The following CLCN5 variants were observed in gnomAD, a reference collection of about 807,000 sequenced individuals.
The protein encoded by CLCN5 is Cl-/H+ antiporter 5, also known as H(+)/Cl(-) exchange transporter 5.
Under a neutral mutation model 54.0 loss-of-function variants are expected in CLCN5, and 17 were observed. The observed-to-expected ratio is 0.31, with a 90% CI of 0.22 to 0.47. The LOEUF is 0.47. CLCN5 is among the 20% of genes least tolerant of loss of function. The pLI is 1.00. For missense variants in CLCN5, 448 were observed against 646.7 expected (o/e 0.69, Z 3.33); for synonymous variants, 222 against 233.0 (o/e 0.95, Z 0.43).
rs1177049977 is a variant in CLCN5, at chrX:49,936,197, T to C, written c.16+10883T>C. On this transcript the variant is annotated intron_variant, in intron 3 of 14. Coordinates refer to ENST00000376091, the MANE Select transcript of CLCN5 (RefSeq NM_001127898.4). ...CCCCCAACCCCATTCTCTGTTAAAC[T>C]AGCAAAATCTTTCAATTAGTTCATC... Among the ~76,000 whole-genome samples the C allele has an allele frequency of 2.7e-5, 3 of 111,836 alleles. No individual in the cohort carries two copies. The East Asian group carries it at 8.4e-4, about 31-fold the overall frequency.
At chrX:50,066,184 GAA>G (rs1312290280) in intron 4 of CLCN5, among the ~76,000 whole-genome samples, 3 of 78,466 alleles carry the variant, frequency 3.8e-5, no homozygotes, top group African/African-American at 6.9e-5. Flanking sequence ...AAAAAAGAAA[GAA>G]AGAGAAATTC....
chrX:50,020,854 C>G (rs1239606158), intron 3 of CLCN5, among the ~76,000 whole-genome samples: 1 of 14,049 alleles, frequency 7.1e-5, no homozygotes, highest in Non-Finnish European at 1.1e-4. Flanking sequence ...GTTTTGGTAC[C>G]AGTACCATGC....
intron 3 of CLCN5, among the ~76,000 whole-genome samples, chrX:49,954,256 C>T (rs1461756291): frequency 8.9e-6 from 1 of 111,761 alleles, no homozygotes; most frequent in Admixed American, 9.5e-5. Context: ...GCTTGTGCAA[C>T]CCGCGGCCTG....
At chrX:50,064,548 G>A (rs1932932231) in intron 4 of CLCN5, among the ~76,000 whole-genome samples, 1 of 94,217 alleles carries the variant, frequency 1.1e-5, no homozygotes, top group African/African-American at 4.1e-5. Flanking sequence ...ATGCTCATGG[G>A]TAGGAAGAAT....
chrX:49,945,317 C>T (rs1213991454), intron 3 of CLCN5: 1 of 111,947 alleles, frequency 8.9e-6, no homozygotes, highest in East Asian at 2.8e-4. Context: ...CTTTTTCCTC[C>T]AAGTTTCTGT....
At chrX:49,939,821 T>C (rs993521406) in intron 3 of CLCN5, among the ~76,000 whole-genome samples, 1 of 111,986 alleles carries the variant, frequency 8.9e-6, no homozygotes, top group African/African-American at 3.2e-5. Context: ...CATTTATTCC[T>C]TTGTGCTTTG....
intron 4 of CLCN5, among the ~76,000 whole-genome samples, chrX:50,046,486 A>C (rs1557187776): frequency 9.0e-6 from 1 of 111,713 alleles, no homozygotes; most frequent in East Asian, 2.8e-4. Context: ...AGAGCCTTTT[A>C]TATTCAAGAA....
intron 3 of CLCN5, among the ~76,000 whole-genome samples, chrX:49,930,570 G>C (rs782788763): frequency 2.7e-5 from 3 of 111,117 alleles, no homozygotes; most frequent in Admixed American, 9.6e-5. Context: ...GTCAGGGAGT[G>C]GGGGAGCAGG....
At chrX:49,971,806 T>C (rs113033415) in intron 3 of CLCN5, among the ~76,000 whole-genome samples, 2 of 111,926 alleles carry the variant, frequency 1.8e-5, no homozygotes, top group Admixed American at 1.9e-4. Context: ...TTTTGTTGAA[T>C]GTATGTTTGC....
intron 3 of CLCN5, among the ~76,000 whole-genome samples, chrX:49,950,657 C>G (rs1926995920): frequency 9.0e-6 from 1 of 111,298 alleles, no homozygotes; most frequent in African/African-American, 3.3e-5. Flanking sequence ...AATATCTCAA[C>G]AATGTTCTGT....
intron 3 of CLCN5, among the ~76,000 whole-genome samples, chrX:50,026,489 G>C (rs782623466): frequency 2.1e-4 from 24 of 111,694 alleles, no homozygotes; most frequent in African/African-American, 7.8e-4. Context: ...AACTATAATA[G>C]TACATTCATC....
chrX:49,937,287 G>A (rs782066772), intron 3 of CLCN5, among the ~76,000 whole-genome samples: 28 of 111,970 alleles, frequency 2.5e-4, no homozygotes, highest in African/African-American at 7.1e-4. Flanking sequence ...CAGTTACCTT[G>A]GAGATTAGAG....
In CLCN5 at chrX:49,979,453, C is replaced by T. The variant is rs185310028; in HGVS notation, c.16+54139C>T. Among the ~76,000 whole-genome samples, 11 of 111,862 alleles carry T rather than the reference C, an allele frequency of 9.8e-5. No homozygotes were observed. In the East Asian group the frequency reaches 2.0e-3, roughly 20 times the overall value. On this transcript the variant is annotated intron_variant, in intron 3 of 14. Coordinates refer to ENST00000376091, the MANE Select transcript of CLCN5 (RefSeq NM_001127898.4). ...TTGTCTATAAGTCTCGTATATTGCT[C>T]ATTTCTGTGTATCACAGGGTAGTTC... is the stretch of plus-strand genomic sequence containing the variant.
At chrX:50,010,992 A>G (rs961831835) in intron 3 of CLCN5, among the ~76,000 whole-genome samples, 3 of 110,539 alleles carry the variant, frequency 2.7e-5, no homozygotes, top group Middle Eastern at 4.6e-3. Flanking sequence ...TGGGTGGGGT[A>G]CAGATACATG....
At chrX:49,923,044 C>G (rs782211755) in intron 1 of CLCN5, among the ~76,000 whole-genome samples, 69 of 113,077 alleles carry the variant, frequency 6.1e-4, no homozygotes, top group Admixed American at 1.7e-3. Context: ...GAGTTATGGT[C>G]CCTGGGTTGC....
At chrX:49,984,283 A>G (rs782694208) in intron 3 of CLCN5, among the ~76,000 whole-genome samples, 8 of 112,100 alleles carry the variant, frequency 7.1e-5, no homozygotes, top group Admixed American at 1.9e-4. Context: ...ATGACAAACA[A>G]TTCTTTTAAA....
chrX:49,922,972 T>A, intron 1 of CLCN5, among the ~76,000 whole-genome samples, 180 bp downstream of exon 1: 1 of 112,342 alleles, frequency 8.9e-6, no homozygotes, highest in Middle Eastern at 4.7e-3. Context: ...TTAGAGGAGG[T>A]AGACAGGCTA....
At chrX:50,083,538 T>C (rs891355075) in intron 9 of CLCN5, among the ~76,000 whole-genome samples, 1 of 112,089 alleles carries the variant, frequency 8.9e-6, no homozygotes, top group Non-Finnish European at 1.9e-5. Context: ...GTTATTAGTG[T>C]AAATTTCCTA....
chrX:50,007,929 A>G (rs1008396643), intron 3 of CLCN5, among the ~76,000 whole-genome samples: 6 of 112,070 alleles, frequency 5.4e-5, no homozygotes, highest in Non-Finnish European at 7.5e-5. Context: ...AGGTTCGTAG[A>G]TACCAAAGTG....
Sources: allele counts gnomAD v4.1 joint callset (sites outside exome capture counted in the v4.1 genomes callset), GRCh38; gene constraint gnomAD v4.1.1; transcripts MANE v1.5; gene names NCBI Gene and HGNC (gene_info 2026-07-23, HGNC 2026-07-21).